Variants in MOXD1 observed in about 807,000 individuals in gnomAD.
MOXD1 encodes monooxygenase DBH like 1.
Under a neutral mutation model 66.6 loss-of-function variants are expected in MOXD1, and 62 were observed. The observed-to-expected ratio is 0.93, with a 90% CI of 0.76 to 1.15. MOXD1 has a LOEUF of 1.15. Ranked by LOEUF, MOXD1 falls within the 50% of genes most tolerant of loss-of-function variation. The pLI is 0.00. For missense variants in MOXD1, 847 were observed against 754.6 expected, an observed-to-expected ratio of 1.12 and a Z score of -1.44; for synonymous variants, 303 against 281.9, an observed-to-expected ratio of 1.07 and a Z score of -0.75.
At chr6:132,301,511 G>A (rs575443506) in intron 10 of MOXD1, among the ~76,000 whole-genome samples, 13 of 151,722 alleles carry the variant, frequency 8.6e-5, no homozygotes, top group African/African-American at 2.7e-4. Flanking sequence ...ATAATCTGTG[G>A]TTACATTTCT....
Position 132,315,726 on chromosome 6 carries a change from G to A in MOXD1, c.1417C>T (p.Pro473Ser), listed in dbSNP as rs745471628. 5.3e-5 allele frequency: 85 copies of A among 1,613,092 alleles called. No individual in the cohort carries two copies. In the Admixed American group the frequency reaches 6.5e-4, roughly 12 times the overall value. Residue 473 changes from proline (P) to serine (S), a missense_variant, in exon 10 of 12, where the codon CCA becomes TCA. Pro to Ser is a moderately conservative substitution (Grantham distance 74, BLOSUM62 -1). Transcript: ENST00000367963. ...GCACATCGAGTAAGATTAATTCTTG[G>A]GTAATAAAGAAGGTATGAGAGACAC... ...EMCLSYLLYY[P>S]RINLTRCASI...
chr6:132,381,222 A>G (rs918255348), intron 1 of MOXD1, among the ~76,000 whole-genome samples: 1 of 152,242 alleles, frequency 6.6e-6, no homozygotes, highest in Admixed American at 6.5e-5. Context: ...TTTGAAAATA[A>G]AAGATAAAAC....
At chr6:132,303,968 A>G (rs1001734333) in intron 10 of MOXD1, among the ~76,000 whole-genome samples, 1 of 149,900 alleles carries the variant, frequency 6.7e-6, no homozygotes, top group African/African-American at 2.5e-5. Context: ...TCTCAAGAAT[A>G]ACTATATAAT....
At chr6:132,380,253 CA>C (rs1776481987) in intron 1 of MOXD1, among the ~76,000 whole-genome samples, 1 of 152,214 alleles carries the variant, frequency 6.6e-6, no homozygotes, top group African/African-American at 2.4e-5. Flanking sequence ...TTTTATTCAA[CA>C]GTATATAGTA....
chr6:132,363,979 A>G (rs181087235), intron 4 of MOXD1, among the ~76,000 whole-genome samples: 2 of 152,252 alleles, frequency 1.3e-5, no homozygotes, highest in East Asian at 3.9e-4. Context: ...CAATTTTCTC[A>G]TCTAAACTTT....
chr6:132,299,744 G>C (rs1278051426), intron 10 of MOXD1, among the ~76,000 whole-genome samples: 2 of 152,026 alleles, frequency 1.3e-5, no homozygotes, highest in Admixed American at 1.3e-4. Flanking sequence ...GACCTTGCAG[G>C]AAATTATCAT....
chr6:132,370,275 T>A (rs1029156753), intron 4 of MOXD1, among the ~76,000 whole-genome samples: 28 of 152,050 alleles, frequency 1.8e-4, no homozygotes, highest in African/African-American at 6.8e-4. Context: ...AAAAAGAGCA[T>A]GGAAATCAGA....
intron 9 of MOXD1, among the ~76,000 whole-genome samples, chr6:132,317,208 G>A (rs181119195): frequency 3.3e-5 from 5 of 152,162 alleles, no homozygotes; most frequent in Middle Eastern, 3.4e-3. Flanking sequence ...TCCAGCTTTC[G>A]AAAACAAAGG....
At chr6:132,333,112 A>G (rs546499852) in intron 4 of MOXD1, among the ~76,000 whole-genome samples, 7 of 152,190 alleles carry the variant, frequency 4.6e-5, no homozygotes, top group South Asian at 2.1e-4. Flanking sequence ...CGAGGCGGGC[A>G]GATCACAAGG....
chr6:132,380,914 C>T (rs1449562726), intron 1 of MOXD1, among the ~76,000 whole-genome samples: 2 of 152,170 alleles, frequency 1.3e-5, no homozygotes, highest in Non-Finnish European at 2.9e-5. Flanking sequence ...TTAGCCCCTA[C>T]ACGCACATGA....
At chr6:132,358,400 C>A (rs1775949114) in intron 4 of MOXD1, among the ~76,000 whole-genome samples, 2 of 152,152 alleles carry the variant, frequency 1.3e-5, no homozygotes, top group Admixed American at 6.5e-5. Context: ...CCACATCTCG[C>A]TCCATGACAT....
At chr6:132,376,862 A>G (rs1413488405) in intron 1 of MOXD1, among the ~76,000 whole-genome samples, 1 of 152,210 alleles carries the variant, frequency 6.6e-6, no homozygotes, top group Non-Finnish European at 1.5e-5. Flanking sequence ...TGTTACATGT[A>G]TTAACTAAAC....
chr6:132,343,050 C>T (rs1377825950), intron 4 of MOXD1, among the ~76,000 whole-genome samples: 2 of 152,144 alleles, frequency 1.3e-5, no homozygotes, highest in African/African-American at 2.4e-5. Context: ...AGTACTACAA[C>T]TTTATTTTAT....
chr6:132,377,687 T>A (rs1477242733), intron 1 of MOXD1, among the ~76,000 whole-genome samples: 4 of 152,176 alleles, frequency 2.6e-5, no homozygotes, highest in Admixed American at 2.0e-4. Context: ...TGCCAATTAT[T>A]TCAAAGTTCT....
At chr6:132,383,119 T>A (rs1189150196) in intron 1 of MOXD1, among the ~76,000 whole-genome samples, 2 of 152,234 alleles carry the variant, frequency 1.3e-5, no homozygotes. Context: ...GTTTTTCTTT[T>A]TCTAAATCTC....
At chr6:132,313,125 GGCCTATATGT>G (rs1774867164) in intron 10 of MOXD1, among the ~76,000 whole-genome samples, 1 of 151,640 alleles carries the variant, frequency 6.6e-6, no homozygotes, top group Non-Finnish European at 1.5e-5. Flanking sequence ...TTTATATATT[GGCCTATATGT>G]GCATGTTGTA....
intron 4 of MOXD1, among the ~76,000 whole-genome samples, chr6:132,335,854 C>T (rs1775425181): frequency 6.6e-6 from 1 of 152,212 alleles, no homozygotes; most frequent in South Asian, 2.1e-4. Flanking sequence ...ATCACAAATA[C>T]ACATTTCTCA....
rs1247632354 is a variant in MOXD1, at chr6:132,296,664, A to G, written c.*489T>C. The G allele has an allele frequency of 6.5e-6, 1 of 152,864 alleles. No individual in the cohort carries two copies. The highest frequency in any genetic ancestry group is 2.4e-5 in the African/African-American group (1 of 41,456). 9.5% of individuals were successfully genotyped at this position (152,864 alleles called of 1,614,324 possible). On this transcript the variant is annotated 3_prime_UTR_variant, in exon 12 of 12. Coordinates refer to ENST00000367963, the MANE Select transcript of MOXD1 (RefSeq NM_015529.4). ...TCACAGAAAAGACCAGAACTGGACAATATTAAAGTCAGGAAGAATGGCTGT... is the reference window on the plus strand; with the variant it reads ...TCACAGAAAAGACCAGAACTGGACAGTATTAAAGTCAGGAAGAATGGCTGT...
At chr6:132,297,351 A>G (rs1373773629) in intron 11 of MOXD1, 34 bp from the exon 12 acceptor site, 1 of 1,605,138 alleles carries the variant, frequency 6.2e-7, no homozygotes, top group Non-Finnish European at 8.5e-7. Flanking sequence ...GCAAATGAAC[A>G]TCTGATTTAA....
Sources: allele counts gnomAD v4.1 joint callset (sites outside exome capture counted in the v4.1 genomes callset), GRCh38; gene constraint gnomAD v4.1.1; transcripts MANE v1.5; gene names NCBI Gene and HGNC (gene_info 2026-07-23, HGNC 2026-07-21).